The following CWC27 variants were observed in gnomAD, a reference collection of about 807,000 sequenced individuals.
CWC27 encodes the protein spliceosome-associated protein CWC27 homolog.
A neutral mutation model predicts 63.6 loss-of-function variants in CWC27; 47 were observed. That is an observed-to-expected ratio of 0.74 (90% CI 0.58 to 0.94). CWC27 has a LOEUF of 0.94. Among genes scored for constraint, CWC27 ranks in the 40% least tolerant of loss-of-function variants. The pLI is 0.00. For missense variants in CWC27, 495 were observed against 554.3 expected, an observed-to-expected ratio of 0.89 and a Z score of 1.07; for synonymous variants, 175 against 179.8, an observed-to-expected ratio of 0.97 and a Z score of 0.22.
intron 2 of CWC27, among the ~76,000 whole-genome samples, chr5:64,775,819 A>G (rs1743420967): frequency 6.6e-6 from 1 of 151,976 alleles, no homozygotes; most frequent in Non-Finnish European, 1.5e-5. Flanking sequence ...TACATTACAT[A>G]TGGTTTGGAA....
intron 13 of CWC27, among the ~76,000 whole-genome samples, chr5:64,999,995 T>C (rs562218886): frequency 8.5e-5 from 13 of 152,158 alleles, no homozygotes; most frequent in African/African-American, 3.1e-4. Context: ...CTCACCAGCA[T>C]TCGTTATTTG....
chr5:64,977,201 G>T lies in CWC27; in HGVS notation c.1219G>T (p.Asp407Tyr). 1.2e-6 allele frequency: 2 copies of T among 1,612,056 alleles called. No individual in the cohort carries two copies. The highest frequency in any genetic ancestry group is 2.2e-5 in the South Asian group (2 of 90,632). Residue 407 changes from aspartate (D) to tyrosine (Y), a missense_variant, in exon 13 of 14, where the codon GAC (aspartate) becomes TAC (tyrosine). Asp to Tyr is a radical substitution (Grantham distance 160). Around this residue, in one of 3 missense-constraint regions of CWC27, gnomAD observed 463 missense variants for 498.1 expected, o/e 0.93. Coordinates refer to ENST00000381070, the MANE Select transcript of CWC27 (RefSeq NM_005869.4). ...AGCAATTGCTGAAACGCCTGAAAAT[G>T]ACATTCCTGAAACAGAAGTAGAAGA... ...TQAIAETPEN[D>Y]IPETEVEDDE...
At chr5:64,979,496 T>C (rs1749292201) in intron 13 of CWC27, among the ~76,000 whole-genome samples, 1 of 152,252 alleles carries the variant, frequency 6.6e-6, no homozygotes, top group Non-Finnish European at 1.5e-5. Flanking sequence ...AACAACATCA[T>C]TTCTGTTCAG....
intron 2 of CWC27, 42 bp from the exon 3 acceptor site, chr5:64,781,879 T>C: frequency 9.3e-7 from 1 of 1,073,576 alleles, no homozygotes; most frequent in Non-Finnish European, 1.4e-6. Flanking sequence ...GTAGAGATGA[T>C]TAATTTTAGA....
At chr5:64,963,239 G>A (rs1416946552) in intron 11 of CWC27, among the ~76,000 whole-genome samples, 1 of 151,930 alleles carries the variant, frequency 6.6e-6, no homozygotes. Context: ...TCAGATTACA[G>A]GCATGAGCCA....
At position 64,769,090 on chromosome 5, in the gene CWC27, T is replaced by G. The variant is rs1385347306; in HGVS notation, c.-57T>G. 8 of 1,485,542 alleles carry G rather than the reference T, an allele frequency of 5.4e-6. No individual in the cohort carries two copies. The East Asian group carries it at 1.6e-4, about 29-fold the overall frequency. 92.0% of individuals were successfully genotyped at this position (1,485,542 alleles called of 1,614,324 possible). A position where few individuals can be genotyped will look rare whatever the true frequency, so the allele number is the denominator to read the frequency against. ...TGTACTCGTAGGCGGACAGCTTTAG[T>G]GGCCGGCCGGCCGCTCTCATCCCCC... On this transcript the variant is annotated 5_prime_UTR_variant, in exon 1 of 14. Transcript: ENST00000381070.
At chr5:64,942,490 T>C (rs1225076214) in intron 11 of CWC27, among the ~76,000 whole-genome samples, 1 of 149,944 alleles carries the variant, frequency 6.7e-6, no homozygotes, top group Non-Finnish European at 1.5e-5. Context: ...AATAGATCTC[T>C]TTAAAATAAA....
At chr5:64,777,500 A>G (rs1208888004) in intron 2 of CWC27, among the ~76,000 whole-genome samples, 1 of 152,162 alleles carries the variant, frequency 6.6e-6, no homozygotes, top group Non-Finnish European at 1.5e-5. Flanking sequence ...AAATTCCTCT[A>G]TGAACTTGGG....
intron 10 of CWC27, among the ~76,000 whole-genome samples, chr5:64,857,332 A>T (rs1381077473): frequency 6.6e-6 from 1 of 152,206 alleles, no homozygotes; most frequent in African/African-American, 2.4e-5. Context: ...TAGCTGTGTG[A>T]TGTCTACCAG....
At chr5:64,843,782 A>G (rs1053451549) in intron 10 of CWC27, among the ~76,000 whole-genome samples, 6 of 152,196 alleles carry the variant, frequency 3.9e-5, no homozygotes, top group African/African-American at 1.4e-4. Flanking sequence ...TGGAAAATCA[A>G]AATGGAAGTA....
At chr5:64,791,116 A>T (rs1463299988) in intron 7 of CWC27, among the ~76,000 whole-genome samples, 4 of 152,156 alleles carry the variant, frequency 2.6e-5, no homozygotes, top group African/African-American at 9.7e-5. Context: ...CCTAAATCCC[A>T]CAGGGTCCTG....
intron 7 of CWC27, among the ~76,000 whole-genome samples, chr5:64,799,760 G>A (rs921911813): frequency 6.6e-6 from 1 of 151,800 alleles, no homozygotes; most frequent in Non-Finnish European, 1.5e-5. Context: ...ATGCTCAAGA[G>A]GCTCTTCTAT....
At chr5:64,885,698 G>GTGTGT in intron 11 of CWC27, 152 bp downstream of exon 11, 11 of 259,612 alleles carry the variant, frequency 4.2e-5, no homozygotes, top group Non-Finnish European at 4.3e-5. Context: ...CTTGAGTTAG[G>GTGTGT]GTGTGTGTGT....
At chr5:64,805,632 A>T (rs990659960) in intron 10 of CWC27, among the ~76,000 whole-genome samples, 3 of 152,012 alleles carry the variant, frequency 2.0e-5, no homozygotes, top group Non-Finnish European at 2.9e-5. Flanking sequence ...AGCCAACCAA[A>T]TATTTATTTA....
intron 10 of CWC27, among the ~76,000 whole-genome samples, chr5:64,807,437 T>C (rs952974443): frequency 1.3e-5 from 2 of 152,214 alleles, no homozygotes; most frequent in Non-Finnish European, 2.9e-5. Context: ...ATGTCTCTAG[T>C]TGTTCATTTG....
chr5:64,801,474 A>G lies in CWC27; in HGVS notation c.780+142A>G, dbSNP rs973743962. 7.9e-4 allele frequency: 555 copies of G among 700,784 alleles called. 3 individuals carry two copies. Among genetic ancestry groups the G allele is most frequent in the Admixed American group, 1.2e-3 (28 of 22,762 alleles). 43.4% of individuals were successfully genotyped at this position (700,784 alleles called of 1,614,324 possible). A position where few individuals can be genotyped will look rare whatever the true frequency, so the allele number is the denominator to read the frequency against. ...TGTCAAATTTTGGAAAAATATGAAAAACAGAAATTATTTAGGTGTTAGACT... is the reference window on the plus strand; with the variant it reads ...TGTCAAATTTTGGAAAAATATGAAAGACAGAAATTATTTAGGTGTTAGACT... On this transcript the variant is annotated intron_variant, in intron 9 of 13. Transcript: ENST00000381070.
intron 11 of CWC27, among the ~76,000 whole-genome samples, chr5:64,944,412 C>T (rs1274971974): frequency 1.3e-5 from 2 of 152,144 alleles, no homozygotes; most frequent in Non-Finnish European, 2.9e-5. Context: ...TCACTCCCTC[C>T]TCCTTGAATT....
At chr5:64,979,667 G>A (rs1749298475) in intron 13 of CWC27, among the ~76,000 whole-genome samples, 1 of 152,182 alleles carries the variant, frequency 6.6e-6, no homozygotes, top group African/African-American at 2.4e-5. Flanking sequence ...AGACTATTTT[G>A]TAGGTCACGG....
intron 10 of CWC27, among the ~76,000 whole-genome samples, chr5:64,885,083 G>T (rs1747034182): frequency 6.6e-6 from 1 of 152,058 alleles, no homozygotes; most frequent in Non-Finnish European, 1.5e-5. Flanking sequence ...GTATGTCCAT[G>T]CTTAATGAGT....
Sources: gnomAD v4.1 joint callset for allele counts (sites outside exome capture counted in the v4.1 genomes callset) on GRCh38, gnomAD v4.1.1 for gene constraint, gnomAD v4.1.1 regional missense constraint, MANE v1.5 for transcripts, NCBI Gene and HGNC (gene_info 2026-07-23, HGNC 2026-07-21) for gene names.